Variants in RARB observed in about 807,000 individuals in gnomAD.
The protein encoded by RARB is HBV-activated protein.
In RARB, 17 loss-of-function variants were observed where a neutral mutation model predicts 51.9. The ratio of observed to expected loss-of-function variants is 0.33; its 90% confidence interval spans 0.22 to 0.49. RARB has a LOEUF of 0.49. Among genes scored for constraint, RARB ranks in the 20% least tolerant of loss-of-function variants. The pLI, the probability that RARB is intolerant of heterozygous loss-of-function variation, is 0.99. For missense variants in RARB, 369 were observed against 550.8 expected, an observed-to-expected ratio of 0.67 and a Z score of 3.30; for synonymous variants, 215 against 195.4, an observed-to-expected ratio of 1.10 and a Z score of -0.84.
chr3:25,438,379 C>T (rs1434091787), intron 1 of RARB, among the ~76,000 whole-genome samples: 1 of 152,092 alleles, frequency 6.6e-6, no homozygotes, highest in African/African-American at 2.4e-5. Context: ...AAAGAATGTC[C>T]ACCATAACAA....
At chr3:24,983,691 A>G (rs1427024982) in intron 2 of RARB, among the ~76,000 whole-genome samples, 4 of 152,178 alleles carry the variant, frequency 2.6e-5, no homozygotes, top group African/African-American at 4.8e-5. Context: ...TATGTTTTCT[A>G]TGAATTTCAT....
chr3:25,184,557 T>C (rs1257022303), intron 5 of RARB, among the ~76,000 whole-genome samples: 2 of 151,992 alleles, frequency 1.3e-5, no homozygotes, highest in African/African-American at 4.8e-5. Context: ...AAGTTGAAAA[T>C]GGAGTGAGAG....
chr3:24,970,018 C>G (rs1696358558), intron 2 of RARB, among the ~76,000 whole-genome samples: 3 of 151,976 alleles, frequency 2.0e-5, no homozygotes, highest in South Asian at 4.1e-4. Flanking sequence ...AGTCAACAAA[C>G]GTTATATAAA....
intron 5 of RARB, among the ~76,000 whole-genome samples, chr3:25,588,456 T>G (rs1161940602): frequency 6.6e-6 from 1 of 152,196 alleles, no homozygotes. Context: ...GAGAATGCCT[T>G]AAGCTGTACT....
At position 25,312,802 on chromosome 3, in the gene RARB, G is replaced by A. The variant is rs1157417112; in HGVS notation, c.178+138227G>A. Among the ~76,000 whole-genome samples, 3 of 152,190 alleles carry A rather than the reference G, an allele frequency of 2.0e-5. No individual in the cohort carries two copies. In the East Asian group the frequency reaches 5.8e-4, roughly 29 times the overall value. On this transcript the variant is annotated intron_variant, in intron 5 of 11. Transcript: ENST00000383772. Reference sequence around the variant, plus strand: ...AACATTCCCACGCAGCCACAGCCAGGAGGAACTTGGGAGCAGCTGTCCCTC... The same window carrying A: ...AACATTCCCACGCAGCCACAGCCAGAAGGAACTTGGGAGCAGCTGTCCCTC...
chr3:24,912,007 A>AT (rs1694998142), intron 2 of RARB, among the ~76,000 whole-genome samples: 1 of 152,240 alleles, frequency 6.6e-6, no homozygotes, highest in Admixed American at 6.5e-5. Context: ...ACGTGCAATG[A>AT]TAAAAAAACA....
At chr3:25,494,253 G>GCACGCGCGCGCACTCACACACACACA (rs1553623182) in intron 2 of RARB, among the ~76,000 whole-genome samples, 2,593 of 131,928 alleles carry the variant, frequency 0.02, 48 homozygotes, top group African/African-American at 0.023. Context: ...TGTATCTTAC[G>GCACGCGCGCGCACTCACACACACACA]CACACACACA....
intron 2 of RARB, among the ~76,000 whole-genome samples, chr3:25,472,188 C>T (rs1029245675): frequency 1.3e-5 from 2 of 152,226 alleles, no homozygotes; most frequent in African/African-American, 2.4e-5. Flanking sequence ...CTCACATCAG[C>T]TCTTGACTGG....
chr3:25,512,507 A>G (rs1697945481), intron 3 of RARB, among the ~76,000 whole-genome samples: 1 of 152,238 alleles, frequency 6.6e-6, no homozygotes. Context: ...AGCCTGTCCA[A>G]CACTGATCTC....
In RARB at chr3:25,104,787, A is replaced by G. The variant is rs185093488; in HGVS notation, c.-327-27374A>G. ...CATCAAACATCAGTGAGAATGAACA[A>G]TGTGTAACTACATGCCACAATATGA... On this transcript the variant is annotated intron_variant, in intron 3 of 11. Coordinates refer to the RARB transcript ENST00000383772. 3.5e-3 allele frequency among the ~76,000 whole-genome samples: 535 copies of G among 152,336 alleles called. 1 individual carries two copies. The highest frequency in any genetic ancestry group is 0.011 in the African/African-American group (470 of 41,586).
chr3:25,154,192 C>T (rs552079381), intron 4 of RARB, among the ~76,000 whole-genome samples: 9 of 152,170 alleles, frequency 5.9e-5, no homozygotes, highest in South Asian at 2.1e-4. Context: ...TCACATCAAC[C>T]GGTGCTAATG....
chr3:24,842,461 A>G (rs1702431344), intron 1 of RARB, among the ~76,000 whole-genome samples: 1 of 152,192 alleles, frequency 6.6e-6, no homozygotes, highest in Non-Finnish European at 1.5e-5. Flanking sequence ...GGGTTGAGGG[A>G]GTGATCTTAT....
At chr3:24,966,001 G>A (rs1696245379) in intron 2 of RARB, among the ~76,000 whole-genome samples, 1 of 152,164 alleles carries the variant, frequency 6.6e-6, no homozygotes, top group Non-Finnish European at 1.5e-5. Context: ...TACATGGAAA[G>A]TCACATTGGC....
intron 2 of RARB, among the ~76,000 whole-genome samples, chr3:24,884,491 AT>A (rs148825795): frequency 2.6e-5 from 4 of 152,046 alleles, no homozygotes; most frequent in South Asian, 4.1e-4. Context: ...CATAGCACAG[AT>A]TTTTTTCCCC....
At chr3:24,846,878 A>AAG (rs1342637714) in intron 1 of RARB, among the ~76,000 whole-genome samples, 1 of 152,114 alleles carries the variant, frequency 6.6e-6, no homozygotes, top group African/African-American at 2.4e-5. Context: ...TGGAAAAAAA[A>AAG]AAAAAAGGAA....
intron 1 of RARB, among the ~76,000 whole-genome samples, chr3:25,432,166 C>A (rs887178836): frequency 1.3e-5 from 2 of 151,616 alleles, no homozygotes; most frequent in African/African-American, 4.9e-5. Context: ...GTGGGTTGTT[C>A]GAAAACAAGT....
chr3:25,260,436 T>C (rs931750943), intron 5 of RARB, among the ~76,000 whole-genome samples: 2 of 152,114 alleles, frequency 1.3e-5, no homozygotes, highest in African/African-American at 4.8e-5. Flanking sequence ...GATTTGTTCA[T>C]ACTCCTTATT....
chr3:24,874,076 A>T (rs1702997930), intron 2 of RARB, among the ~76,000 whole-genome samples: 1 of 152,072 alleles, frequency 6.6e-6, no homozygotes, highest in Non-Finnish European at 1.5e-5. Context: ...ATACGAGAGG[A>T]TGTGTGTAGG....
At chr3:25,481,571 T>C (rs552335247) in intron 2 of RARB, among the ~76,000 whole-genome samples, 1 of 152,338 alleles carries the variant, frequency 6.6e-6, no homozygotes, top group East Asian at 1.9e-4. Context: ...GCCTGTCTGT[T>C]ATGGTCACTG....
Sources: allele counts gnomAD v4.1 joint callset (sites outside exome capture counted in the v4.1 genomes callset), GRCh38; gene constraint gnomAD v4.1.1; transcripts MANE v1.5; gene names NCBI Gene and HGNC (gene_info 2026-07-23, HGNC 2026-07-21).